SLC35E4: variants seen among roughly 807,000 people sequenced by gnomAD.
The protein encoded by SLC35E4 is solute carrier family 35, member E4.
Under a neutral mutation model 19.3 loss-of-function variants are expected in SLC35E4, and 15 were observed. The ratio of observed to expected loss-of-function variants is 0.78; its 90% confidence interval spans 0.52 to 1.20. The LOEUF (loss-of-function observed/expected upper bound fraction) is 1.20, where lower values mean the gene tolerates loss of function less well. Among genes scored for constraint, SLC35E4 ranks in the 50% most tolerant of loss-of-function variants. The pLI is 0.00. For missense variants in SLC35E4, 406 were observed against 472.3 expected, an observed-to-expected ratio of 0.86 and a Z score of 1.30; for synonymous variants, 219 against 219.9, an observed-to-expected ratio of 1.00 and a Z score of 0.04.
downstream of SLC35E4, among the ~76,000 whole-genome samples, chr22:30,648,843 C>T (rs996225682): frequency 1.6e-4 from 24 of 146,140 alleles, no homozygotes; most frequent in Middle Eastern, 3.4e-3. Flanking sequence ...CTATCTCTTT[C>T]AAAAAAAAAA....
chr22:30,664,121 A>ACAGGTAGATCACTTT, downstream of SLC35E4: 1 of 949,270 alleles, frequency 1.1e-6, no homozygotes, highest in Admixed American at 2.5e-5. Flanking sequence ...AGGTGCCCAG[A>ACAGGTAGATCACTTT]GGGCCAATTC....
intron 2 of SLC35E4, among the ~76,000 whole-genome samples, chr22:30,658,528 C>G (rs141530741): frequency 0.01 from 1,539 of 151,948 alleles, 15 homozygotes; most frequent in Non-Finnish European, 0.015. Context: ...CCTTTTTTCT[C>G]TCTTCATCCT....
At chr22:30,658,476 A>C (rs1021895953) in intron 2 of SLC35E4, among the ~76,000 whole-genome samples, 4 of 152,020 alleles carry the variant, frequency 2.6e-5, no homozygotes, top group African/African-American at 2.4e-5. Context: ...ATCTGTCCAA[A>C]GCATCTGCAA....
At chr22:30,649,481 C>CTTGAACCTGGGAGGCGGAGGTTG (rs1555899194), downstream of SLC35E4, among the ~76,000 whole-genome samples, 2 of 150,666 alleles carry the variant, frequency 1.3e-5, no homozygotes, top group African/African-American at 2.5e-5. Flanking sequence ...AAAGGGCCAG[C>CTTGAACCTGGGAGGCGGAGGTTG]CCACGGCGGG....
At chr22:30,638,998 G>A (rs2087994487) in intron 1 of SLC35E4, among the ~76,000 whole-genome samples, 1 of 152,106 alleles carries the variant, frequency 6.6e-6, no homozygotes, top group African/African-American at 2.4e-5. Flanking sequence ...CCAGCGCAGT[G>A]GCTCACACCT....
At chr22:30,664,275 G>T (rs571915942), downstream of SLC35E4, among the ~76,000 whole-genome samples, 1 of 152,282 alleles carries the variant, frequency 6.6e-6, no homozygotes, top group South Asian at 2.1e-4. Flanking sequence ...GACTCTCGGG[G>T]TGAAGAGCAT....
exon 3 of SLC35E4, chr22:30,662,597 C>T (rs978168487): frequency 2.6e-5 from 4 of 151,860 alleles, no homozygotes; most frequent in Admixed American, 1.3e-4. Context: ...GAGGCTGAGG[C>T]GTGAGGATTG....
chr22:30,656,374 C>T (rs888935919), intron 2 of SLC35E4, among the ~76,000 whole-genome samples: 2 of 152,122 alleles, frequency 1.3e-5, no homozygotes, highest in African/African-American at 2.4e-5. Flanking sequence ...AATTAGATCG[C>T]CATCTCAACA....
downstream of SLC35E4, among the ~76,000 whole-genome samples, chr22:30,651,431 T>A (rs1329733649): frequency 1.2e-3 from 46 of 38,940 alleles, no homozygotes; most frequent in African/African-American, 3.2e-3. Context: ...ATATATATTT[T>A]TTTTTTTTTT....
Position 30,642,074 on chromosome 22 carries a change from G to A in SLC35E4, c.620-4524G>A, listed in dbSNP as rs911259694. Among the ~76,000 whole-genome samples the A allele has an allele frequency of 4.6e-5, 7 of 152,118 alleles. No homozygotes were observed. The South Asian group carries it at 6.2e-4, about 14-fold the overall frequency. On this transcript the variant is annotated intron_variant, in intron 1 of 1. Transcript: ENST00000343605. ...GTCTTGCTCTGTCATCCAGGCTGGAGTGCAGTGGCTCACTGCGGCCTCAAT... is the reference window on the plus strand; with the variant it reads ...GTCTTGCTCTGTCATCCAGGCTGGAATGCAGTGGCTCACTGCGGCCTCAAT...
At chr22:30,654,688 T>C (rs2088298282) in intron 2 of SLC35E4, 3 of 410,496 alleles carry the variant, frequency 7.3e-6, no homozygotes, top group South Asian at 1.9e-5. Flanking sequence ...TCTATAGACA[T>C]TGCCAGAAAT....
downstream of SLC35E4, chr22:30,663,973 G>C: frequency 4.3e-6 from 7 of 1,614,036 alleles, no homozygotes; most frequent in Non-Finnish European, 5.9e-6. Flanking sequence ...TGCCGGAACT[G>C]AACTGGGAAG....
chr22:30,667,014 A>G (rs2088696765), downstream of SLC35E4: 1 of 152,230 alleles, frequency 6.6e-6, no homozygotes, highest in Non-Finnish European at 1.5e-5. Flanking sequence ...TGAAGAAATC[A>G]CAAAAGATCT....
chr22:30,663,557 C>T (rs149449436), downstream of SLC35E4: 8 of 1,614,240 alleles, frequency 5.0e-6, no homozygotes, highest in Non-Finnish European at 6.8e-6. Context: ...GGATGAGCTG[C>T]TCCCAAAAGC....
chr22:30,644,948 G>T (rs1204170019), intron 1 of SLC35E4, among the ~76,000 whole-genome samples: 1 of 150,898 alleles, frequency 6.6e-6, no homozygotes, highest in African/African-American at 2.4e-5. Flanking sequence ...CTTAGTCCTG[G>T]ATTCATCTTG....
At chr22:30,648,238 G>A (rs1338671984), downstream of SLC35E4, among the ~76,000 whole-genome samples, 1 of 152,110 alleles carries the variant, frequency 6.6e-6, no homozygotes, top group African/African-American at 2.4e-5. Context: ...CTCAGGACGT[G>A]GCACCTGCAG....
rs1249780116 is a variant in SLC35E4 at position 30,647,508 on chromosome 22, C to T, written c.*477C>T. The T allele has an allele frequency of 6.3e-6, 1 of 159,352 alleles. No homozygotes were observed. The highest frequency in any genetic ancestry group is 1.4e-5 in the Non-Finnish European group (1 of 73,054). 9.9% of individuals were successfully genotyped at this position (159,352 alleles called of 1,614,324 possible). ...CCTTGGAGATTGGAATGGGGACTCC[C>T]AGGGAGACCTGCGTTCCATCCCTGC... On this transcript the variant is annotated 3_prime_UTR_variant, in exon 2 of 2. Transcript: ENST00000343605.
intron 1 of SLC35E4, 74 bp from the exon 2 acceptor site, chr22:30,646,524 C>T: frequency 6.6e-7 from 1 of 1,512,560 alleles, no homozygotes; most frequent in Non-Finnish European, 8.9e-7. Flanking sequence ...GGAGGATCGG[C>T]CATAGGGGTC....
At chr22:30,667,002 C>T (rs2088696281), downstream of SLC35E4, 1 of 152,038 alleles carries the variant, frequency 6.6e-6, no homozygotes, top group Admixed American at 6.6e-5. Flanking sequence ...GCAAAGACCA[C>T]CTGAAGAAAT....
Sources: allele counts gnomAD v4.1 joint callset (sites outside exome capture counted in the v4.1 genomes callset), GRCh38; gene constraint gnomAD v4.1.1; transcripts MANE v1.5; gene names NCBI Gene and HGNC (gene_info 2026-07-23, HGNC 2026-07-21).